The following SLC24A2 variants were observed in gnomAD, a reference collection of about 807,000 sequenced individuals.
SLC24A2 encodes the protein solute carrier family 24 member 2, also known as sodium/potassium/calcium exchanger 2.
A neutral mutation model predicts 62.0 loss-of-function variants in SLC24A2; 36 were observed. The observed-to-expected ratio is 0.58, with a 90% CI of 0.44 to 0.77. The LOEUF (loss-of-function observed/expected upper bound fraction) is 0.77, where lower values mean the gene tolerates loss of function less well. Ranked by LOEUF, SLC24A2 falls within the 30% of genes least tolerant of loss-of-function variation. SLC24A2 has a pLI of 0.00. For synonymous variants in SLC24A2, 358 were observed against 294.0 expected (o/e 1.22, Z -2.23); for missense variants, 846 against 817.9 (o/e 1.03, Z -0.42).
the SLC24A2 span, among the ~76,000 whole-genome samples, chr9:20,145,632 A>C: frequency 5.3e-5 from 8 of 150,582 alleles, no homozygotes; most frequent in African/African-American, 9.7e-5. Flanking sequence ...CACGTGTGCA[A>C]TTACACATAT....
At chr9:20,166,041 T>A in the SLC24A2 span, among the ~76,000 whole-genome samples, 1 of 151,764 alleles carries the variant, frequency 6.6e-6, no homozygotes, top group African/African-American at 2.4e-5. Context: ...TATAAAAAAA[T>A]TAAACATTAT....
chr9:19,991,159 G>T, the SLC24A2 span, among the ~76,000 whole-genome samples: 1 of 151,960 alleles, frequency 6.6e-6, no homozygotes, highest in East Asian at 1.9e-4. Context: ...GAGCAAGGAA[G>T]CCAGTCCAAG....
intron 2 of SLC24A2, among the ~76,000 whole-genome samples, chr9:19,744,518 G>T (rs1193844285): frequency 2.0e-5 from 3 of 152,122 alleles, no homozygotes; most frequent in African/African-American, 4.8e-5. Context: ...CCAGACAGGG[G>T]TTGTTTAACC....
the SLC24A2 span, among the ~76,000 whole-genome samples, chr9:20,270,274 G>C: frequency 6.6e-6 from 1 of 152,054 alleles, no homozygotes; most frequent in African/African-American, 2.4e-5. Context: ...CATTTTGGTG[G>C]GAATAAAAAA....
At chr9:20,233,080 G>T in the SLC24A2 span, among the ~76,000 whole-genome samples, 11 of 152,132 alleles carry the variant, frequency 7.2e-5, no homozygotes, top group Admixed American at 6.5e-4. Context: ...ATTGCACTGT[G>T]GTCTGAGAGA....
chr9:19,936,595 G>A, the SLC24A2 span, among the ~76,000 whole-genome samples: 5 of 152,130 alleles, frequency 3.3e-5, no homozygotes, highest in South Asian at 1.0e-3. Flanking sequence ...ACTTACAATA[G>A]TACAAACAAT....
At chr9:19,625,562 T>A (rs1467994137) in intron 2 of SLC24A2, among the ~76,000 whole-genome samples, 1 of 152,194 alleles carries the variant, frequency 6.6e-6, no homozygotes, top group Non-Finnish European at 1.5e-5. Context: ...CTTTATTCAA[T>A]TAAACTGGCC....
At chr9:19,863,405 A>G in the SLC24A2 span, among the ~76,000 whole-genome samples, 1 of 152,038 alleles carries the variant, frequency 6.6e-6, no homozygotes, top group African/African-American at 2.4e-5. Flanking sequence ...ATAGTTATTT[A>G]CAGAACATTT....
chr9:20,207,591 T>C, the SLC24A2 span, among the ~76,000 whole-genome samples: 1 of 152,390 alleles, frequency 6.6e-6, no homozygotes, highest in Non-Finnish European at 1.5e-5. Context: ...TCTTCCTTTC[T>C]AGACTGTCTC....
At chr9:19,898,741 C>CAAAAAAAAA in the SLC24A2 span, among the ~76,000 whole-genome samples, 2 of 97,282 alleles carry the variant, frequency 2.1e-5, no homozygotes, top group African/African-American at 5.0e-5. Flanking sequence ...GACTCCATCT[C>CAAAAAAAAA]AAAAAAAAAA....
chr9:19,912,938 T>C, the SLC24A2 span, among the ~76,000 whole-genome samples: 1 of 152,142 alleles, frequency 6.6e-6, no homozygotes, highest in African/African-American at 2.4e-5. Context: ...CAACAAATCA[T>C]TTGTAAAAAT....
intron 2 of SLC24A2, among the ~76,000 whole-genome samples, chr9:19,752,534 C>T (rs141099412): frequency 6.6e-6 from 1 of 152,090 alleles, no homozygotes; most frequent in African/African-American, 2.4e-5. Context: ...GGGAGCTGGA[C>T]CCTGGCCCAG....
At chr9:19,657,355 CTGTG>C (rs1818970568) in intron 2 of SLC24A2, among the ~76,000 whole-genome samples, 1 of 152,112 alleles carries the variant, frequency 6.6e-6, no homozygotes, top group Admixed American at 6.6e-5. Context: ...TCACAGTTCT[CTGTG>C]TATTCTTTTT....
the SLC24A2 span, among the ~76,000 whole-genome samples, chr9:20,029,094 T>C: frequency 6.6e-6 from 1 of 152,280 alleles, no homozygotes; most frequent in South Asian, 2.1e-4. Context: ...TCACTCACTG[T>C]GATTTAGTGT....
chr9:19,636,315 TTTTCTTTCTTTC>T (rs72137164), intron 2 of SLC24A2, among the ~76,000 whole-genome samples: 17 of 40,312 alleles, frequency 4.2e-4, no homozygotes, highest in Admixed American at 1.1e-3. Flanking sequence ...TTTTCTTTTC[TTTTCTTTCTTTC>T]TTTCTTTCTT....
At chr9:19,788,692 G>A (rs1051854875) in intron 1 of SLC24A2, 193 bp downstream of exon 1, 11 of 985,116 alleles carry the variant, frequency 1.1e-5, no homozygotes, top group African/African-American at 1.7e-5. Context: ...AAGGGTAGGA[G>A]AGGCGGGGGC....
intron 8 of SLC24A2, among the ~76,000 whole-genome samples, chr9:19,533,737 G>T (rs546019870): frequency 6.6e-6 from 1 of 152,266 alleles, no homozygotes; most frequent in East Asian, 1.9e-4. Flanking sequence ...CCAATTCACA[G>T]AATTATGGGC....
At position 19,514,887 on chromosome 9, in the gene SLC24A2, T is replaced by A. The variant is rs1832865490; in HGVS notation, c.*1266A>T. ...TAAGTTGCCTCAACCCAAGCAGTGC[T>A]GATCAGAGTTAAGTTAGTGCTATTG... On this transcript the variant is annotated 3_prime_UTR_variant, in exon 11 of 11. Coordinates refer to ENST00000341998, the MANE Select transcript of SLC24A2 (RefSeq NM_020344.4). The A allele has an allele frequency of 6.6e-6, 1 of 152,212 alleles. No individual in the cohort carries two copies. Among genetic ancestry groups the A allele is most frequent in the Non-Finnish European group, 1.5e-5 (1 of 68,056 alleles). The allele number at this position is 152,212 out of a possible 1,614,324, so 9.4% of individuals were successfully genotyped here.
intron 10 of SLC24A2, among the ~76,000 whole-genome samples, chr9:19,519,250 C>G (rs746576799): frequency 1.4e-4 from 21 of 151,902 alleles, no homozygotes; most frequent in Non-Finnish European, 2.8e-4. Flanking sequence ...GAATATTTTA[C>G]TAAGAAAACT....
Sources: allele counts gnomAD v4.1 joint callset (sites outside exome capture counted in the v4.1 genomes callset), GRCh38; gene constraint gnomAD v4.1.1; transcripts MANE v1.5; gene names NCBI Gene and HGNC (gene_info 2026-07-23, HGNC 2026-07-21).